The following SCHIP1 variants were observed in gnomAD, a reference collection of about 807,000 sequenced individuals.
The protein encoded by SCHIP1 is schwannomin interacting protein 1, also known as schwannomin-interacting protein 1.
Under a neutral mutation model 29.7 loss-of-function variants are expected in SCHIP1, and 8 were observed. That is an observed-to-expected ratio of 0.27 (90% CI 0.16 to 0.49). The LOEUF (loss-of-function observed/expected upper bound fraction) is 0.49. SCHIP1 is among the 20% of genes least tolerant of loss of function. The probability of loss-of-function intolerance (pLI) is 0.99; values close to 1 mark genes in which losing one functional copy is unlikely to be tolerated. For synonymous variants in SCHIP1, 76 were observed against 94.9 expected, an observed-to-expected ratio of 0.80 and a Z score of 1.16; for missense variants, 193 against 294.6, an observed-to-expected ratio of 0.66 and a Z score of 2.52.
chr3:159,797,772 A>G, the SCHIP1 span, among the ~76,000 whole-genome samples: 2 of 152,078 alleles, frequency 1.3e-5, no homozygotes, highest in African/African-American at 4.8e-5. Context: ...ATGGGGTAAG[A>G]TCTTTAGTTT....
chr3:159,576,904 T>A, the SCHIP1 span, among the ~76,000 whole-genome samples: 4 of 152,224 alleles, frequency 2.6e-5, no homozygotes, highest in South Asian at 2.1e-4. Context: ...TTCCCTTATA[T>A]TCCGGTGATC....
At chr3:159,285,334 A>G in the SCHIP1 span, among the ~76,000 whole-genome samples, 1 of 152,156 alleles carries the variant, frequency 6.6e-6, no homozygotes, top group African/African-American at 2.4e-5. Flanking sequence ...ATAGATAACA[A>G]ATAGATAGAT....
At chr3:159,871,563 G>C (rs981994513) in intron 2 of SCHIP1, among the ~76,000 whole-genome samples, 1 of 152,086 alleles carries the variant, frequency 6.6e-6, no homozygotes, top group Non-Finnish European at 1.5e-5. Context: ...CTTCACTATA[G>C]AATGGCTGAA....
the SCHIP1 span, among the ~76,000 whole-genome samples, chr3:159,718,698 G>T: frequency 6.6e-6 from 1 of 152,130 alleles, no homozygotes; most frequent in Non-Finnish European, 1.5e-5. Context: ...CCTCTTCAAG[G>T]AGAATTACAA....
At chr3:159,862,928 A>T (rs890789535) in intron 1 of SCHIP1, among the ~76,000 whole-genome samples, 2 of 152,178 alleles carry the variant, frequency 1.3e-5, no homozygotes, top group African/African-American at 2.4e-5. Flanking sequence ...TTCGAGAGCA[A>T]TGTGACAAAA....
At chr3:159,869,746 C>G (rs953112018) in intron 2 of SCHIP1, among the ~76,000 whole-genome samples, 2 of 151,892 alleles carry the variant, frequency 1.3e-5, no homozygotes, top group East Asian at 1.9e-4. Context: ...ACAAAATACT[C>G]TCTTGGAATT....
chr3:159,776,859 G>A, the SCHIP1 span, among the ~76,000 whole-genome samples: 11 of 152,086 alleles, frequency 7.2e-5, no homozygotes, highest in Admixed American at 5.2e-4. Flanking sequence ...GAGCTAAGAG[G>A]GAGGCCAGAG....
the SCHIP1 span, among the ~76,000 whole-genome samples, chr3:159,478,994 C>T: frequency 2.6e-5 from 4 of 152,038 alleles, no homozygotes; most frequent in African/African-American, 9.7e-5. Flanking sequence ...AAAATCATGT[C>T]ATCAGCAAAT....
the SCHIP1 span, among the ~76,000 whole-genome samples, chr3:159,458,135 T>G: frequency 6.6e-6 from 1 of 152,168 alleles, no homozygotes; most frequent in Admixed American, 6.6e-5. Flanking sequence ...AAAAGAAACT[T>G]TAAACATAAT....
At chr3:159,374,220 A>G in the SCHIP1 span, among the ~76,000 whole-genome samples, 1 of 152,178 alleles carries the variant, frequency 6.6e-6, no homozygotes, top group Non-Finnish European at 1.5e-5. Context: ...AGCTTTAAGT[A>G]TTTAGACATA....
At chr3:159,566,869 G>A in the SCHIP1 span, among the ~76,000 whole-genome samples, 4 of 152,318 alleles carry the variant, frequency 2.6e-5, no homozygotes, top group Admixed American at 2.6e-4. Flanking sequence ...GCACTGCTGG[G>A]TTGTAAGATG....
intron 1 of SCHIP1, among the ~76,000 whole-genome samples, chr3:159,842,082 T>TGTA (rs1193115635): frequency 6.6e-6 from 1 of 152,358 alleles, no homozygotes; most frequent in Non-Finnish European, 1.5e-5. Context: ...GCTTGATGTT[T>TGTA]GTAGTCACTG....
At chr3:159,533,552 C>A in the SCHIP1 span, among the ~76,000 whole-genome samples, 90 of 152,250 alleles carry the variant, frequency 5.9e-4, no homozygotes, top group African/African-American at 2.2e-3. Flanking sequence ...AAATTCATAA[C>A]TAATATGTGG....
the SCHIP1 span, among the ~76,000 whole-genome samples, chr3:159,777,600 T>C: frequency 4.6e-5 from 7 of 152,174 alleles, no homozygotes; most frequent in African/African-American, 1.7e-4. Context: ...CATGATTTAT[T>C]TTTTATTATT....
chr3:159,398,570 A>G, the SCHIP1 span, among the ~76,000 whole-genome samples: 1 of 152,198 alleles, frequency 6.6e-6, no homozygotes, highest in Non-Finnish European at 1.5e-5. Flanking sequence ...GGGAACAATT[A>G]GGAGGCAGTA....
chr3:159,455,731 G>C, the SCHIP1 span, among the ~76,000 whole-genome samples: 1 of 152,208 alleles, frequency 6.6e-6, no homozygotes, highest in Non-Finnish European at 1.5e-5. Flanking sequence ...TCACACCACA[G>C]ATGCCTCAAG....
the SCHIP1 span, among the ~76,000 whole-genome samples, chr3:159,704,457 T>C: frequency 1.2e-3 from 184 of 147,550 alleles, no homozygotes; most frequent in African/African-American, 4.5e-3. Context: ...GCACTAGAAG[T>C]TTAGTCCATT....
the SCHIP1 span, among the ~76,000 whole-genome samples, chr3:159,693,047 A>T: frequency 6.6e-6 from 1 of 152,174 alleles, no homozygotes; most frequent in African/African-American, 2.4e-5. Flanking sequence ...AGACATATTT[A>T]CCTTGACTAG....
At chr3:159,555,150 T>G in the SCHIP1 span, among the ~76,000 whole-genome samples, 1 of 152,206 alleles carries the variant, frequency 6.6e-6, no homozygotes, top group Non-Finnish European at 1.5e-5. Context: ...ATTACCATCT[T>G]TCTATCTAGG....
Sources: gnomAD v4.1 joint callset for allele counts (sites outside exome capture counted in the v4.1 genomes callset) on GRCh38, gnomAD v4.1.1 for gene constraint, MANE v1.5 for transcripts, NCBI Gene and HGNC (gene_info 2026-07-23, HGNC 2026-07-21) for gene names.